GABRD: variants seen among roughly 807,000 people sequenced by gnomAD.
GABRD encodes gamma-aminobutyric acid type A receptor subunit delta.
Under a neutral mutation model 47.3 loss-of-function variants are expected in GABRD, and 25 were observed. The observed-to-expected ratio is 0.53, with a 90% CI of 0.39 to 0.74. The LOEUF (loss-of-function observed/expected upper bound fraction) is 0.74. Ranked by LOEUF, GABRD falls within the 30% of genes least tolerant of loss-of-function variation. The pLI is 0.00. For missense variants in GABRD, 497 were observed against 643.4 expected (o/e 0.77, Z 2.46); for synonymous variants, 314 against 278.8 (o/e 1.13, Z -1.26).
Position 2,030,476 on chromosome 1 carries a change from G to C in GABRD, c.*194G>C, listed in dbSNP as rs912269873. On this transcript the variant is annotated 3_prime_UTR_variant, in exon 9 of 9. Transcript: ENST00000378585. ...CCAGCCTCACCCGAAAGGCCAGCCTGGGGCTCTCCGGCAGGCAGCCCGAGA... is the reference window on the plus strand; with the variant it reads ...CCAGCCTCACCCGAAAGGCCAGCCTCGGGCTCTCCGGCAGGCAGCCCGAGA... 4.4e-6 allele frequency: 2 copies of C among 451,276 alleles called. No individual in the cohort carries two copies. The highest frequency in any genetic ancestry group is 7.6e-6 in the Non-Finnish European group (2 of 261,614). 28.0% of individuals were successfully genotyped at this position (451,276 alleles called of 1,614,324 possible).
intron 1 of GABRD, 114 bp downstream of exon 1, chr1:2,019,605 T>C (rs1658718904): frequency 1.9e-6 from 1 of 532,372 alleles, no homozygotes; most frequent in Middle Eastern, 8.3e-4. Context: ...GGACCCCAAG[T>C]CTGAGAGCCC....
intron 4 of GABRD, chr1:2,026,493 C>G (rs565374691): frequency 6.6e-6 from 1 of 152,356 alleles, no homozygotes; most frequent in East Asian, 1.9e-4. Context: ...AACCTGTTTT[C>G]AGACACATGC....
Position 2,030,169 on chromosome 1 carries a change from C to A in GABRD, c.1246C>A (p.Arg416Ser). The A allele has an allele frequency of 1.3e-6, 2 of 1,573,920 alleles. No individual in the cohort carries two copies. The highest frequency in any genetic ancestry group is 2.3e-5 in the East Asian group (1 of 44,360). Residue 416 changes from arginine to serine, a missense_variant, in exon 9 of 9, where the codon CGT becomes AGT. Arg to Ser is a moderately radical substitution (Grantham distance 110). Around this residue, in one of 3 missense-constraint regions of GABRD, gnomAD observed 121 missense variants for 121.3 expected, o/e 1.00. Coordinates refer to ENST00000378585, the MANE Select transcript of GABRD (RefSeq NM_000815.5). ...CCGCTCAGGAGGCCAGGGGGGCATC[C>A]GTGCCCGGCTCAGGCCCATCGACGC... The part of the protein sequence containing the change: ...AARSGGQGGI[R>S]ARLRPIDADT...
Position 2,029,596 on chromosome 1 carries a change from G to A in GABRD, c.893G>A (p.Arg298His). 1.2e-6 allele frequency: 2 copies of A among 1,613,086 alleles called. No homozygotes were observed. The highest frequency in any genetic ancestry group is 1.7e-6 in the Non-Finnish European group (2 of 1,180,002). Residue 298 changes from arginine (R) to histidine (H), a missense_variant, in exon 8 of 9, where the codon CGC (arginine) becomes CAC (histidine). Around this residue, in one of 3 missense-constraint regions of GABRD, gnomAD observed 285 missense variants for 436.6 expected, o/e 0.65. Transcript: ENST00000378585. ...ATGACCACGCTCATGGTCAGTGCCC[G>A]CTCCTCCCTGCCACGGGCATCAGCC... The part of the protein sequence containing the change: ...LTMTTLMVSA[R>H]SSLPRASAIK...
rs1659012396 is a variant in GABRD at position 2,029,151 on chromosome 1, G to A, written c.732G>A (p.Arg244=). The part of the protein sequence containing the change: ...FPRLSLHFHL[R]RNRGVYIIQS... ...GGCTCAGCCTGCACTTCCACCTGCGGAGGAACCGCGGCGTGTACATCATCC... is the reference window on the plus strand; with the variant it reads ...GGCTCAGCCTGCACTTCCACCTGCGAAGGAACCGCGGCGTGTACATCATCC... The change falls in exon 7 of 9, where the codon CGG becomes CGA. Residue 244 remains arginine, a synonymous_variant. Coordinates refer to ENST00000378585, the MANE Select transcript of GABRD (RefSeq NM_000815.5). 3 of 1,547,310 alleles carry A rather than the reference G, an allele frequency of 1.9e-6. No individual in the cohort carries two copies. The highest frequency in any genetic ancestry group is 1.4e-5 in the African/African-American group (1 of 73,092).
At chr1:2,025,985 T>C (rs1011507193) in intron 4 of GABRD, among the ~76,000 whole-genome samples, 3 of 152,208 alleles carry the variant, frequency 2.0e-5, no homozygotes, top group Admixed American at 6.5e-5. Flanking sequence ...TGCCTTTTGG[T>C]TTTTAAAATG....
At position 2,025,235 on chromosome 1, in the gene GABRD, G is replaced by C. The variant is rs562416120; in HGVS notation, c.182-99G>C. The stretch of plus-strand genomic sequence containing the variant: ...AGGGAGGTGCAGCTTCTCAGGCCAT[G>C]ATGGCCGACTGCCTGTGACTGGGAC... On this transcript the variant is annotated intron_variant, in intron 2 of 8. Transcript: ENST00000378585. 33 of 1,455,078 alleles carry C rather than the reference G, an allele frequency of 2.3e-5. No homozygotes were observed. The African/African-American group carries it at 3.8e-4, about 17-fold the overall frequency. 90.1% of individuals were successfully genotyped at this position (1,455,078 alleles called of 1,614,324 possible).
intron 5 of GABRD, 188 bp from the exon 6 acceptor site, chr1:2,027,967 C>A: frequency 1.5e-6 from 1 of 645,818 alleles, no homozygotes; most frequent in Non-Finnish European, 2.7e-6. Context: ...TGTGTCCCAT[C>A]CACCTGCCCG....
At position 2,025,755 on chromosome 1, in the gene GABRD, C is replaced by T. The variant is rs759099296; in HGVS notation, c.470+17C>T. 6.2e-7 allele frequency: 1 copy of T among 1,605,678 alleles called. No homozygotes were observed. The highest frequency in any genetic ancestry group is 2.2e-5 in the East Asian group (1 of 44,734). On this transcript the variant is annotated intron_variant, in intron 4 of 8. Coordinates refer to ENST00000378585, the MANE Select transcript of GABRD (RefSeq NM_000815.5). ...CAGCATCCGGTGAGCGGGCTGCCCA[C>T]CCGGACTCCGGGGGAGAGCCTGCCC...
chr1:2,028,771 C>G lies in GABRD; in HGVS notation c.692-340C>G, dbSNP rs568535755. ...AGTGCTGGCTCCTTCCAGAGCCTGG[C>G]TGTGCCCGCAGGAGTGTTAGGAGAG... On this transcript the variant is annotated intron_variant, in intron 6 of 8. Transcript: ENST00000378585. This position sits in a 1 kb window ranked among gnomAD's most constrained non-coding sequence, Gnocchi z 6.4. The G allele has an allele frequency of 5.4e-5, 19 of 350,576 alleles. 1 individual carries two copies. In the South Asian group the frequency reaches 7.3e-4, roughly 13 times the overall value. The allele number at this position is 350,576 out of a possible 1,614,324, so 21.7% of individuals were successfully genotyped here. A position where few individuals can be genotyped will look rare whatever the true frequency, so the allele number is the denominator to read the frequency against.
At chr1:2,025,931 T>C (rs972130374) in intron 4 of GABRD, 193 bp downstream of exon 4, 3 of 601,646 alleles carry the variant, frequency 5.0e-6, no homozygotes, top group African/African-American at 3.7e-5. Context: ...CGCTCCAAGG[T>C]CGCCGACAGG....
At position 2,030,028 on chromosome 1, in the gene GABRD, G is replaced by A. The variant is rs759836961; in HGVS notation, c.1105G>A (p.Gly369Ser). The change falls in exon 9 of 9, where the codon GGC becomes AGC. Residue 369 changes from glycine to serine, a missense_variant. This residue lies in a region of GABRD where 285 missense variants were observed against 436.6 expected (regional missense o/e 0.65). Coordinates refer to ENST00000378585, the MANE Select transcript of GABRD (RefSeq NM_000815.5). ...AIVLFSLSAA[G>S]VTQELAISRR... is the part of the protein sequence containing the mutation. ...TGTCCTCTTCTCCCTCTCTGCTGCC[G>A]GCGTCACGCAGGAGCTGGCCATCTC... 48 of 1,612,546 alleles carry A rather than the reference G, an allele frequency of 3.0e-5. No homozygotes were observed. The highest frequency in any genetic ancestry group is 3.4e-5 in the Non-Finnish European group (40 of 1,179,888).
chr1:2,025,458 G>T lies in GABRD; in HGVS notation c.249+57G>T. On this transcript the variant is annotated intron_variant, in intron 3 of 8. Transcript: ENST00000378585. ...GTGGGTGCCCACAGCCTCTGCCCTG[G>T]GCTGCATGCCCCTGGGGGTGGAGCA... 3 of 1,611,972 alleles carry T rather than the reference G, an allele frequency of 1.9e-6. No homozygotes were observed. In the South Asian group the frequency reaches 3.3e-5, roughly 18 times the overall value.
chr1:2,028,323 T>TTCCGCGCGC lies in GABRD; in HGVS notation c.691+31_691+32insTCCGCGCGC, dbSNP rs1557447486. Reference sequence around the variant, plus strand: ...ATATGCCCGCCGCCCCTTCCGCATGTGCCCGCCGCCCCTTCCGCGCGCGCC... The same window carrying TTCCGCGCGC: ...ATATGCCCGCCGCCCCTTCCGCATGTTCCGCGCGCGCCCGCCGCCCCTTCCGCGCGCGCC... On this transcript the variant is annotated intron_variant, in intron 6 of 8. Coordinates refer to ENST00000378585, the MANE Select transcript of GABRD (RefSeq NM_000815.5). The surrounding 1 kb of genome is among the most constrained non-coding windows in gnomAD (Gnocchi z 6.4). 2.4e-4 allele frequency: 376 copies of TTCCGCGCGC among 1,587,772 alleles called. 2 individuals carry two copies. The African/African-American group carries it at 4.8e-3, about 20-fold the overall frequency.
At chr1:2,019,867 G>A (rs1658728737) in intron 1 of GABRD, among the ~76,000 whole-genome samples, 1 of 152,208 alleles carries the variant, frequency 6.6e-6, no homozygotes, top group Non-Finnish European at 1.5e-5. Flanking sequence ...TTGAGGAGAG[G>A]AAAGACCTGA....
At position 2,025,413 on chromosome 1, in the gene GABRD, C is replaced by G. The variant is rs762020356; in HGVS notation, c.249+12C>G. ...CAGAGGCCAACATGGTAGGTGCCACCAGCCTCTGCCTCAGGCACGGTGGGT... is the reference window on the plus strand; with the variant it reads ...CAGAGGCCAACATGGTAGGTGCCACGAGCCTCTGCCTCAGGCACGGTGGGT... On this transcript the variant is annotated intron_variant, in intron 3 of 8. Coordinates refer to ENST00000378585, the MANE Select transcript of GABRD (RefSeq NM_000815.5). 2 of 1,612,912 alleles carry G rather than the reference C, an allele frequency of 1.2e-6. No individual in the cohort carries two copies. Among genetic ancestry groups the G allele is most frequent in the South Asian group, 2.2e-5 (2 of 91,084 alleles).
chr1:2,025,713 G>A lies in GABRD; in HGVS notation c.445G>A (p.Asp149Asn), dbSNP rs1658904374. Reference sequence around the variant, plus strand: ...GAACAAGCTCATCCGGCTGCAGCCCGACGGCGTGATCCTGTACAGCATCCG... The same window carrying A: ...GAACAAGCTCATCCGGCTGCAGCCCAACGGCGTGATCCTGTACAGCATCCG... ...VENKLIRLQPDGVILYSIRIT... is the reference protein window; with the variant it reads ...VENKLIRLQPNGVILYSIRIT... The change falls in exon 4 of 9, where the codon GAC becomes AAC. Residue 149 changes from aspartate (D) to asparagine (N), a missense_variant. By Grantham distance (23) the Asp-to-Asn change is conservative (BLOSUM62 1). This residue lies in a region of GABRD where 285 missense variants were observed against 436.6 expected (regional missense o/e 0.65). Transcript: ENST00000378585. The A allele has an allele frequency of 2.5e-6, 4 of 1,612,702 alleles. No individual in the cohort carries two copies. The highest frequency in any genetic ancestry group is 2.5e-6 in the Non-Finnish European group (3 of 1,179,974).
At position 2,029,257 on chromosome 1, in the gene GABRD, G is replaced by T. The variant is rs1332195004; in HGVS notation, c.838G>T (p.Val280Leu). The T allele has an allele frequency of 4.5e-6, 7 of 1,560,402 alleles. No homozygotes were observed. Among genetic ancestry groups the T allele is most frequent in the African/African-American group, 1.4e-5 (1 of 73,472 alleles). Residue 280 changes from valine to leucine, a missense_variant, in exon 7 of 9, where the codon GTG (valine) becomes TTG (leucine). By Grantham distance (32) the Val-to-Leu change is conservative. Coordinates refer to ENST00000378585, the MANE Select transcript of GABRD (RefSeq NM_000815.5). ...WISQAAVPAR[V>L]SLGITTVLTM... ...CAGCCAGGCGGCGGTGCCCGCCAGG[G>T]TGTCTCTAGGTACGGGGCCTCGCCG...
intron 4 of GABRD, 69 bp downstream of exon 4, chr1:2,025,807 C>G: frequency 2.1e-6 from 3 of 1,437,182 alleles, no homozygotes; most frequent in Non-Finnish European, 2.9e-6. Context: ...CCTGGACGCT[C>G]CAAGGCTTGG....
Sources: gnomAD v4.1 joint callset for allele counts (sites outside exome capture counted in the v4.1 genomes callset) on GRCh38, gnomAD v4.1.1 for gene constraint, gnomAD v4.1.1 regional missense constraint, Gnocchi (gnomAD v3.1) non-coding constraint, MANE v1.5 for transcripts, NCBI Gene and HGNC (gene_info 2026-07-23, HGNC 2026-07-21) for gene names.